The following ATM variants were observed in gnomAD, a reference collection of about 807,000 sequenced individuals.
ATM encodes the protein serine-protein kinase ATM.
ATM carries 308 observed loss-of-function variants against 387.0 expected under a neutral mutation model. That is an observed-to-expected ratio of 0.80 (90% CI 0.73 to 0.87). The LOEUF (loss-of-function observed/expected upper bound fraction) is 0.87, where lower values mean the gene tolerates loss of function less well. ATM is among the 40% of genes least tolerant of loss of function. The pLI is 0.00. For synonymous variants in ATM, 1,156 were observed against 1,187.3 expected, an observed-to-expected ratio of 0.97 and a Z score of 0.54; for missense variants, 3,312 against 3,560.9, an observed-to-expected ratio of 0.93 and a Z score of 1.78.
rs770641163 is a variant in ATM, at chr11:108,365,208, C to T, written c.8977C>T (p.Arg2993Ter). 8.7e-6 allele frequency: 14 copies of T among 1,614,140 alleles called. No homozygotes were observed. Among genetic ancestry groups the T allele is most frequent in the Admixed American group, 1.7e-5 (1 of 60,016 alleles). The change falls in exon 62 of 63, where the codon CGA becomes TGA. Residue 2993 changes from arginine (R) to a stop codon, truncating the protein, a stop_gained. Coordinates refer to ENST00000675843, the MANE Select transcript of ATM (RefSeq NM_000051.4). LOFTEE classifies it high-confidence loss of function. ...TLNADDQECK[R>*]NLSDIDQSFN... ...GAATGCAGATGACCAAGAATGCAAA[C>T]GAAATCTCAGGTGAGCAGTATTTTA...
chr11:108,331,097 T>C, intron 50 of ATM: 1 of 950,862 alleles, frequency 1.1e-6, no homozygotes, highest in Non-Finnish European at 1.3e-6. Context: ...AAGCAATTAC[T>C]TCATTTTATT....
chr11:108,273,580 G>A (rs955989079), intron 22 of ATM, among the ~76,000 whole-genome samples: 2 of 151,892 alleles, frequency 1.3e-5, no homozygotes, highest in African/African-American at 4.8e-5. Flanking sequence ...GACCTCAGGT[G>A]ATCCACCCAC....
At chr11:108,229,077 T>C in intron 3 of ATM, 101 bp from the exon 4 acceptor site, 1 of 1,172,996 alleles carries the variant, frequency 8.5e-7, no homozygotes, top group Non-Finnish European at 1.2e-6. Context: ...CTAAGCAAGG[T>C]GGTTTAAAAG....
At chr11:108,293,612 A>C in intron 31 of ATM, 135 bp downstream of exon 31, 1 of 796,430 alleles carries the variant, frequency 1.3e-6, no homozygotes, top group Non-Finnish European at 2.0e-6. Flanking sequence ...TAGGCCAGGC[A>C]CATTGGCTCA....
chr11:108,281,609 G>A (rs150812481), intron 24 of ATM, among the ~76,000 whole-genome samples: 64 of 152,324 alleles, frequency 4.2e-4, no homozygotes, highest in African/African-American at 1.5e-3. Context: ...TAGGGTCCAA[G>A]CCTTATAATT....
chr11:108,253,373 G>A (rs913806368), intron 12 of ATM, among the ~76,000 whole-genome samples: 1 of 152,020 alleles, frequency 6.6e-6, no homozygotes, highest in African/African-American at 2.4e-5. Context: ...ATGACTCACT[G>A]GCACAAACAT....
intron 48 of ATM, among the ~76,000 whole-genome samples, chr11:108,328,393 T>C (rs566666087): frequency 1.3e-5 from 2 of 152,048 alleles, no homozygotes; most frequent in Admixed American, 6.5e-5. Context: ...ACTACAGGAG[T>C]GTGCCACCAC....
intron 31 of ATM, 45 bp from the exon 32 acceptor site, chr11:108,294,882 G>C (rs1412015559): frequency 6.2e-7 from 1 of 1,608,252 alleles, no homozygotes; most frequent in Admixed American, 1.7e-5. Context: ...TATTTCACAG[G>C]CTTAACCAAT....
intron 57 of ATM, 27 bp downstream of exon 57, chr11:108,343,398 A>C (rs755047475): frequency 1.2e-6 from 2 of 1,612,582 alleles, no homozygotes; most frequent in Non-Finnish European, 8.5e-7. Context: ...ATTAAAGGTT[A>C]TTGTAAGATT....
rs1060504286 is a variant in ATM, at chr11:108,330,406, C to T, written c.7500C>T (p.Val2500=). The change falls in exon 50 of 63, where the codon GTC becomes GTT. Residue 2500 remains valine (V), a synonymous_variant. Transcript: ENST00000675843. ...LWLENSGVSE[V]NGMMKRDGMK... ...TTGAAAATTCTGGAGTTTCTGAAGT[C>T]AATGGCATGATGAAGGCAAGTGTTA... The T allele has an allele frequency of 6.8e-6, 11 of 1,614,058 alleles. No homozygotes were observed. The highest frequency in any genetic ancestry group is 9.3e-6 in the Non-Finnish European group (11 of 1,179,964).
chr11:108,301,038 G>A (rs771056243), intron 34 of ATM, among the ~76,000 whole-genome samples: 3 of 151,874 alleles, frequency 2.0e-5, no homozygotes, highest in Non-Finnish European at 2.9e-5. Flanking sequence ...CAAAGTTTAT[G>A]TGCTTGAGCC....
At chr11:108,276,915 C>A (rs2081980057) in intron 22 of ATM, among the ~76,000 whole-genome samples, 1 of 152,202 alleles carries the variant, frequency 6.6e-6, no homozygotes, top group Non-Finnish European at 1.5e-5. Context: ...CCGCTATTCT[C>A]TTCAGAGCTG....
At chr11:108,270,161 C>T (rs914243448) in intron 18 of ATM, among the ~76,000 whole-genome samples, 6 of 152,092 alleles carry the variant, frequency 3.9e-5, no homozygotes, top group Admixed American at 2.6e-4. Flanking sequence ...TAATAACTAC[C>T]ATTATAACTG....
chr11:108,302,876 CAAAG>C lies in ATM; in HGVS notation c.5347_5350del (p.Glu1783ThrfsTer9), dbSNP rs2135927504. 1 of 1,612,838 alleles carries C rather than the reference CAAAG, an allele frequency of 6.2e-7. No homozygotes were observed. Among genetic ancestry groups the C allele is most frequent in the South Asian group, 1.1e-5 (1 of 91,004 alleles). Reference sequence around the variant, plus strand: ...AGTTTTTAGAAGTACCCAGATTTGACAAAGAAAACCCTTTTGAAGGCCTGGATGA... The same window carrying C: ...AGTTTTTAGAAGTACCCAGATTTGACAAAACCCTTTTGAAGGCCTGGATGA... On this transcript the variant is annotated frameshift_variant, in exon 36 of 63. Coordinates refer to ENST00000675843, the MANE Select transcript of ATM (RefSeq NM_000051.4). LOFTEE classifies it high-confidence loss of function.
intron 19 of ATM, 21 bp downstream of exon 19, chr11:108,271,167 GT>G: frequency 5.6e-6 from 9 of 1,612,384 alleles, no homozygotes; most frequent in Non-Finnish European, 7.6e-6. Context: ...AAAACCTTAT[GT>G]TATGTTCACT....
rs730881348 is a variant in ATM at position 108,259,035 on chromosome 11, C to T, written c.2426C>T (p.Ser809Leu). Residue 809 changes from serine to leucine, a missense_variant, in exon 16 of 63, where the codon TCA becomes TTA. Physicochemically the swap from Ser to Leu is moderately radical, Grantham distance 145. Coordinates refer to ENST00000675843, the MANE Select transcript of ATM (RefSeq NM_000051.4). ...ASGFFLRLLT[S>L]KLMNDIADIC... ...GGCTTTTTCCTGCGATTGTTAACAT[C>T]AAAGCTAATGAATGACATTGCAGAT... 1.2e-6 allele frequency: 2 copies of T among 1,613,690 alleles called. No individual in the cohort carries two copies. Among genetic ancestry groups the T allele is most frequent in the African/African-American group, 2.7e-5 (2 of 74,996 alleles).
intron 59 of ATM, 74 bp from the exon 60 acceptor site, chr11:108,353,692 A>T (rs1010373678): frequency 8.1e-7 from 1 of 1,234,904 alleles, no homozygotes; most frequent in East Asian, 2.3e-5. Flanking sequence ...TGCCTTTGTA[A>T]AGTTCACATT....
Position 108,367,340 on chromosome 11 carries a change from A to G in ATM, c.*1832A>G, listed in dbSNP as rs1272096089. ...TTTCCCCTTTCTTGTAAGTTCTGCT[A>G]TGTATTTAAAAGAATGTTTTCTACA... On this transcript the variant is annotated 3_prime_UTR_variant, in exon 63 of 63. Transcript: ENST00000675843. The G allele has an allele frequency of 5.4e-6, 1 of 184,982 alleles. No homozygotes were observed. The highest frequency in any genetic ancestry group is 2.0e-4 in the South Asian group (1 of 5,106). 11.5% of individuals were successfully genotyped at this position (184,982 alleles called of 1,614,324 possible).
In ATM at chr11:108,289,811, A is replaced by G. The variant is rs878853509; in HGVS notation, c.4436+10A>G. 33 of 1,606,886 alleles carry G rather than the reference A, an allele frequency of 2.1e-5. No individual in the cohort carries two copies. The highest frequency in any genetic ancestry group is 8.9e-5 in the East Asian group (4 of 44,812). ...ACTATATCAACCAAAGGTAAATAAC[A>G]TATTTAGACCAATATATAAGCAGTC... On this transcript the variant is annotated intron_variant, in intron 29 of 62. Transcript: ENST00000675843.
Sources: gnomAD v4.1 joint callset for allele counts (sites outside exome capture counted in the v4.1 genomes callset) on GRCh38, gnomAD v4.1.1 for gene constraint, MANE v1.5 for transcripts, NCBI Gene and HGNC (gene_info 2026-07-23, HGNC 2026-07-21) for gene names.